TMEFF1: variants seen among roughly 807,000 people sequenced by gnomAD.
The protein encoded by TMEFF1 is transmembrane protein with EGF like and two follistatin like domains 1.
TMEFF1 carries 20 observed loss-of-function variants against 47.5 expected under a neutral mutation model. That is an observed-to-expected ratio of 0.42 (90% CI 0.30 to 0.61). The LOEUF is 0.61. Ranked by LOEUF, TMEFF1 falls within the 20% of genes least tolerant of loss-of-function variation. The pLI, the probability that TMEFF1 is intolerant of heterozygous loss-of-function variation, is 0.19. For synonymous variants in TMEFF1, 162 were observed against 166.3 expected (o/e 0.97, Z 0.20); for missense variants, 411 against 471.1 (o/e 0.87, Z 1.18).
chr9:100,561,789 A>G (rs755165702), intron 8 of TMEFF1, among the ~76,000 whole-genome samples: 7 of 152,178 alleles, frequency 4.6e-5, no homozygotes, highest in Non-Finnish European at 1.0e-4. Flanking sequence ...CCACATTCCA[A>G]CACTATTTTG....
intron 1 of TMEFF1, among the ~76,000 whole-genome samples, chr9:100,474,328 T>G (rs1274010350): frequency 1.3e-5 from 2 of 151,344 alleles, no homozygotes; most frequent in Non-Finnish European, 2.9e-5. Context: ...TGACTGTGTG[T>G]GTGCGCGCGC....
rs1464082879 is a variant in TMEFF1 at position 100,576,985 on chromosome 9, C to CA, written c.*393dup. 4 of 157,488 alleles carry CA rather than the reference C, an allele frequency of 2.5e-5. No individual in the cohort carries two copies. Among genetic ancestry groups the CA allele is most frequent in the South Asian group, 1.9e-4 (1 of 5,136 alleles). The allele number at this position is 157,488 out of a possible 1,614,324, so 9.8% of individuals were successfully genotyped here. Reference sequence around the variant, plus strand: ...AGATGTTTACAGATTACTTTTCTTACAAAAAAAATCTAGAAGACACTGTGT... The same window carrying CA: ...AGATGTTTACAGATTACTTTTCTTACAAAAAAAAATCTAGAAGACACTGTGT... On this transcript the variant is annotated 3_prime_UTR_variant, in exon 10 of 10. Transcript: ENST00000374879.
chr9:100,498,973 A>ATGGGGTTC, intron 2 of TMEFF1, 99 bp downstream of exon 2: 1 of 1,315,392 alleles, frequency 7.6e-7, no homozygotes, highest in Non-Finnish European at 1.0e-6. Flanking sequence ...TGAACCCCAT[A>ATGGGGTTC]AAGAAATTGG....
intron 1 of TMEFF1, 99 bp from the exon 2 acceptor site, chr9:100,498,666 A>AT (rs1020618241): frequency 4.5e-6 from 5 of 1,102,346 alleles, no homozygotes; most frequent in African/African-American, 3.2e-5. Flanking sequence ...GGCTCAATAC[A>AT]TTTTAAGGAC....
intron 9 of TMEFF1, among the ~76,000 whole-genome samples, chr9:100,574,860 C>T (rs568652785): frequency 6.6e-6 from 1 of 152,272 alleles, no homozygotes; most frequent in Admixed American, 6.5e-5. Context: ...CTCAACTACT[C>T]AATTAAAATT....
chr9:100,475,580 A>G (rs1837208105), intron 1 of TMEFF1, among the ~76,000 whole-genome samples: 1 of 152,196 alleles, frequency 6.6e-6, no homozygotes, highest in South Asian at 2.1e-4. Context: ...ATTCGTTCTT[A>G]GCAAAATATA....
chr9:100,482,864 GTTC>G (rs948576010), intron 1 of TMEFF1, among the ~76,000 whole-genome samples: 29 of 152,194 alleles, frequency 1.9e-4, no homozygotes, highest in Admixed American at 1.3e-3. Flanking sequence ...CCACTGTATT[GTTC>G]TTCTTTTTAA....
At chr9:100,474,955 T>G (rs551608012) in intron 1 of TMEFF1, among the ~76,000 whole-genome samples, 92 of 152,314 alleles carry the variant, frequency 6.0e-4, no homozygotes, top group African/African-American at 2.1e-3. Context: ...TCAGGTCTCA[T>G]TTTTTGAGTG....
At chr9:100,516,813 A>G in intron 5 of TMEFF1, 42 bp downstream of exon 5, 1 of 1,599,358 alleles carries the variant, frequency 6.3e-7, no homozygotes, top group African/African-American at 1.3e-5. Context: ...TTTAGAGATT[A>G]ATCATCAGTA....
chr9:100,555,178 C>T (rs1838894335), intron 7 of TMEFF1, among the ~76,000 whole-genome samples: 1 of 151,974 alleles, frequency 6.6e-6, no homozygotes, highest in South Asian at 2.1e-4. Context: ...CACACACACA[C>T]ACACACACAC....
chr9:100,522,430 CTTTTTTTTTTTTTTT>C (rs869111876), intron 5 of TMEFF1, among the ~76,000 whole-genome samples: 1 of 69,650 alleles, frequency 1.4e-5, no homozygotes, highest in East Asian at 3.7e-4. Flanking sequence ...GAAATATCTT[CTTTTTTTTTTTTTTT>C]TTTTTTTTTT....
At chr9:100,576,395 A>G in intron 9 of TMEFF1, 121 bp from the exon 10 acceptor site, 4 of 1,241,120 alleles carry the variant, frequency 3.2e-6, no homozygotes, top group African/African-American at 1.5e-5. Flanking sequence ...TTTCCCTTTC[A>G]TGTAATTGCT....
chr9:100,567,599 T>C (rs1298852884), intron 8 of TMEFF1, among the ~76,000 whole-genome samples: 2 of 152,134 alleles, frequency 1.3e-5, no homozygotes, highest in African/African-American at 2.4e-5. Flanking sequence ...TTGTGGTAAA[T>C]GGATGTGTGA....
At chr9:100,485,787 A>G (rs1837436400) in intron 1 of TMEFF1, among the ~76,000 whole-genome samples, 1 of 152,186 alleles carries the variant, frequency 6.6e-6, no homozygotes, top group Admixed American at 6.5e-5. Context: ...GTACTTGGAA[A>G]TTCTATACTT....
intron 7 of TMEFF1, among the ~76,000 whole-genome samples, chr9:100,552,492 T>C (rs1231141563): frequency 1.3e-5 from 2 of 152,250 alleles, no homozygotes; most frequent in Non-Finnish European, 2.9e-5. Context: ...TGATTGATTG[T>C]ATTTTAGAGT....
intron 1 of TMEFF1, among the ~76,000 whole-genome samples, chr9:100,485,892 A>T (rs888120981): frequency 1.3e-5 from 2 of 152,168 alleles, no homozygotes; most frequent in Admixed American, 1.3e-4. Flanking sequence ...TCTATTTTTT[A>T]AAAAGTATCA....
At chr9:100,516,802 A>T in intron 5 of TMEFF1, 31 bp downstream of exon 5, 1 of 1,605,246 alleles carries the variant, frequency 6.2e-7, no homozygotes. Flanking sequence ...GGACAAAGTT[A>T]TTTAGAGATT....
intron 2 of TMEFF1, among the ~76,000 whole-genome samples, chr9:100,503,296 T>C (rs1028702587): frequency 6.6e-6 from 1 of 152,004 alleles, no homozygotes; most frequent in Non-Finnish European, 1.5e-5. Flanking sequence ...GCCACACATA[T>C]AAACAAAGCC....
intron 5 of TMEFF1, among the ~76,000 whole-genome samples, chr9:100,532,441 AT>A (rs1381865082): frequency 5.3e-5 from 8 of 152,220 alleles, no homozygotes; most frequent in African/African-American, 1.9e-4. Context: ...ATGAACAGAC[AT>A]TTCTCAAAAG....
Sources: allele counts gnomAD v4.1 joint callset (sites outside exome capture counted in the v4.1 genomes callset), GRCh38; gene constraint gnomAD v4.1.1; transcripts MANE v1.5; gene names NCBI Gene and HGNC (gene_info 2026-07-23, HGNC 2026-07-21).